NOL10: variants seen among roughly 807,000 people sequenced by gnomAD.
NOL10 encodes the protein H_NH0074G24.1.
A neutral mutation model predicts 103.5 loss-of-function variants in NOL10; 58 were observed. That is an observed-to-expected ratio of 0.56 (90% CI 0.45 to 0.70). The LOEUF (loss-of-function observed/expected upper bound fraction) is 0.70. Ranked by LOEUF, NOL10 falls within the 30% of genes least tolerant of loss-of-function variation. NOL10 has a pLI of 0.00. For missense variants in NOL10, 763 were observed against 807.3 expected (o/e 0.95, Z 0.67); for synonymous variants, 287 against 282.5 (o/e 1.02, Z -0.16).
intron 13 of NOL10, among the ~76,000 whole-genome samples, chr2:10,622,929 C>T (rs545653302): frequency 4.3e-4 from 66 of 152,232 alleles, no homozygotes; most frequent in Middle Eastern, 3.4e-3. Flanking sequence ...AATGGTACCA[C>T]TGCTCATTCA....
rs567354122 is a variant in NOL10, at chr2:10,582,583, A to G, written c.1845-4845T>C. Among the ~76,000 whole-genome samples, 3 of 152,318 alleles carry G rather than the reference A, an allele frequency of 2.0e-5. No individual in the cohort carries two copies. In the East Asian group the frequency reaches 5.8e-4, roughly 29 times the overall value. ...TGATGTGCCCAGATTCCTGAGGCCA[A>G]CAAGCATGGCCTTCCCAATCTTTCT... On this transcript the variant is annotated intron_variant, in intron 19 of 20. Coordinates refer to ENST00000381685, the MANE Select transcript of NOL10 (RefSeq NM_024894.4).
At chr2:10,666,044 T>C (rs1034497522) in intron 8 of NOL10, among the ~76,000 whole-genome samples, 1 of 151,996 alleles carries the variant, frequency 6.6e-6, no homozygotes, top group East Asian at 1.9e-4. Context: ...CTCCCTCCCT[T>C]CCCCATCCAG....
At chr2:10,649,038 A>G (rs1050724698) in intron 12 of NOL10, among the ~76,000 whole-genome samples, 2 of 152,196 alleles carry the variant, frequency 1.3e-5, no homozygotes, top group Admixed American at 1.3e-4. Context: ...GACTGGATGT[A>G]AGATAATATT....
intron 1 of NOL10, among the ~76,000 whole-genome samples, chr2:10,687,389 A>C (rs184520056): frequency 6.6e-6 from 1 of 152,244 alleles, no homozygotes; most frequent in African/African-American, 2.4e-5. Flanking sequence ...TACTTCTACA[A>C]AACTACACAT....
At position 10,654,620 on chromosome 2, in the gene NOL10, G is replaced by GT. The variant is rs1190533157; in HGVS notation, c.907-74dup. 6.0e-6 allele frequency: 5 copies of GT among 838,830 alleles called. No individual in the cohort carries two copies. In the Admixed American group the frequency reaches 1.0e-4, roughly 17 times the overall value. The allele number at this position is 838,830 out of a possible 1,614,324, so 52.0% of individuals were successfully genotyped here. A position where few individuals can be genotyped will look rare whatever the true frequency, so the allele number is the denominator to read the frequency against. ...ACTTTGGCAATGTCAAACTGAAGCT[G>GT]TAACTCAACCATCTACTCCTATGTA... is the stretch of plus-strand genomic sequence containing the variant. On this transcript the variant is annotated intron_variant, in intron 11 of 20. Transcript: ENST00000381685.
intron 19 of NOL10, among the ~76,000 whole-genome samples, chr2:10,587,230 T>TATATACATAC: frequency 2.7e-5 from 1 of 37,456 alleles, no homozygotes; most frequent in Non-Finnish European, 4.5e-5. Context: ...TATATATACA[T>TATATACATAC]ATATATATAC....
chr2:10,640,340 G>A (rs567075291), intron 13 of NOL10, among the ~76,000 whole-genome samples: 1 of 152,268 alleles, frequency 6.6e-6, no homozygotes, highest in Non-Finnish European at 1.5e-5. Flanking sequence ...AAAGACAAGT[G>A]GTGCTATAAA....
chr2:10,586,662 T>G (rs1348945517), intron 19 of NOL10, among the ~76,000 whole-genome samples: 2 of 152,054 alleles, frequency 1.3e-5, no homozygotes, highest in Admixed American at 1.3e-4. Context: ...GGAAGACCAA[T>G]CCCTCCTCTT....
intron 13 of NOL10, among the ~76,000 whole-genome samples, chr2:10,618,569 G>A (rs1317852995): frequency 6.6e-6 from 1 of 152,158 alleles, no homozygotes; most frequent in Admixed American, 6.5e-5. Flanking sequence ...ATCTTCATGT[G>A]TTTTCCTATT....
chr2:10,639,160 C>T (rs1678528159), intron 13 of NOL10, among the ~76,000 whole-genome samples: 1 of 151,924 alleles, frequency 6.6e-6, no homozygotes, highest in African/African-American at 2.4e-5. Context: ...CGGTGGCTCA[C>T]ACCTGTAATC....
intron 6 of NOL10, 81 bp from the exon 7 acceptor site, chr2:10,668,804 A>AT: frequency 1.9e-6 from 1 of 513,088 alleles, no homozygotes. Flanking sequence ...AAATATATAT[A>AT]TTACTCATAA....
At chr2:10,594,576 T>A (rs893676732) in intron 17 of NOL10, among the ~76,000 whole-genome samples, 1 of 152,144 alleles carries the variant, frequency 6.6e-6, no homozygotes, top group Non-Finnish European at 1.5e-5. Context: ...TGACATAGAA[T>A]TGGGTGTTGA....
intron 6 of NOL10, among the ~76,000 whole-genome samples, chr2:10,671,185 A>T (rs1266685469): frequency 1.3e-5 from 2 of 152,226 alleles, no homozygotes; most frequent in African/African-American, 4.8e-5. Flanking sequence ...ACAGATAAAT[A>T]AAACAATACT....
At chr2:10,671,499 C>T in intron 6 of NOL10, 55 bp downstream of exon 6, 1 of 1,356,150 alleles carries the variant, frequency 7.4e-7, no homozygotes, top group South Asian at 2.0e-5. Flanking sequence ...AATTTAGGAA[C>T]AGAAGTTGGT....
At chr2:10,660,242 C>G (rs192357248) in intron 9 of NOL10, among the ~76,000 whole-genome samples, 34 of 152,330 alleles carry the variant, frequency 2.2e-4, no homozygotes, top group African/African-American at 8.2e-4. Context: ...ACTTTAGTCA[C>G]TTACTCTTCA....
intron 9 of NOL10, 78 bp from the exon 10 acceptor site, chr2:10,659,328 A>T: frequency 3.0e-6 from 1 of 334,528 alleles, no homozygotes; most frequent in Admixed American, 3.9e-5. Context: ...ATTAGTCTTC[A>T]CTTCAAATCT....
chr2:10,665,671 G>A (rs1016221019), intron 8 of NOL10, among the ~76,000 whole-genome samples: 1 of 152,122 alleles, frequency 6.6e-6, no homozygotes, highest in Non-Finnish European at 1.5e-5. Flanking sequence ...ACATTGCCTG[G>A]TGTCTAGCCT....
chr2:10,620,646 T>C (rs927575549), intron 13 of NOL10, among the ~76,000 whole-genome samples: 1 of 152,230 alleles, frequency 6.6e-6, no homozygotes, highest in Non-Finnish European at 1.5e-5. Flanking sequence ...ACAACAGTAC[T>C]TAAGTAGAGT....
At chr2:10,592,916 G>A (rs1181619126) in intron 17 of NOL10, among the ~76,000 whole-genome samples, 3 of 152,052 alleles carry the variant, frequency 2.0e-5, no homozygotes, top group Non-Finnish European at 4.4e-5. Flanking sequence ...TGTTCTATAG[G>A]AGCTTACAAG....
Sources: allele counts gnomAD v4.1 joint callset (sites outside exome capture counted in the v4.1 genomes callset), GRCh38; gene constraint gnomAD v4.1.1; transcripts MANE v1.5; gene names NCBI Gene and HGNC (gene_info 2026-07-23, HGNC 2026-07-21).